The following PLA2G6 variants were observed in gnomAD, a reference collection of about 807,000 sequenced individuals.
PLA2G6 encodes the protein 85/88 kDa calcium-independent phospholipase A2.
In PLA2G6, 62 loss-of-function variants were observed where a neutral mutation model predicts 83.8. That is an observed-to-expected ratio of 0.74 (90% CI 0.60 to 0.91). The LOEUF is 0.91. Among genes scored for constraint, PLA2G6 ranks in the 40% least tolerant of loss-of-function variants. The probability of loss-of-function intolerance (pLI) is 0.00; values close to 1 mark genes in which losing one functional copy is unlikely to be tolerated. For synonymous variants in PLA2G6, 417 were observed against 449.8 expected (o/e 0.93, Z 0.92); for missense variants, 944 against 1,102.0 (o/e 0.86, Z 2.03).
intron 6 of PLA2G6, chr22:38,133,428 G>T (rs1243392314): frequency 1.4e-5 from 3 of 220,508 alleles, no homozygotes; most frequent in Non-Finnish European, 2.8e-5. Context: ...AGGGAGGGGA[G>T]CCTGGCTTTG....
intron 5 of PLA2G6, chr22:38,135,969 A>G (rs920562084): frequency 5.9e-5 from 9 of 152,260 alleles, no homozygotes; most frequent in Admixed American, 5.9e-4. Flanking sequence ...CTGAATGGAT[A>G]AACAAAATAG....
intron 2 of PLA2G6, chr22:38,146,095 T>C: frequency 1.3e-5 from 3 of 238,580 alleles, no homozygotes; most frequent in Non-Finnish European, 2.5e-5. Flanking sequence ...GAGTGCAGTG[T>C]TGTAATCTCA....
At position 38,140,013 on chromosome 22, in the gene PLA2G6, T is replaced by C. The variant is rs777270576; in HGVS notation, c.766A>G (p.Ile256Val). The C allele has an allele frequency of 4.4e-6, 7 of 1,609,022 alleles. No homozygotes were observed. In the South Asian group the frequency reaches 7.8e-5, roughly 18 times the overall value. The change falls in exon 5 of 17, where the codon ATC becomes GTC. Residue 256 changes from isoleucine to valine, a missense_variant. By Grantham distance (29) the Ile-to-Val change is conservative. Transcript: ENST00000332509. ...TGAGAGAACTTCATGGCCGAGTGGATGGGGTAGCCGTTGGGGCCCATGATG... is the reference window on the plus strand; with the variant it reads ...TGAGAGAACTTCATGGCCGAGTGGACGGGGTAGCCGTTGGGGCCCATGATG... ...CNIMGPNGYPIHSAMKFSQKG... is the reference protein window; with the variant it reads ...CNIMGPNGYPVHSAMKFSQKG...
At chr22:38,119,294 A>G (rs1470026502) in intron 12 of PLA2G6, among the ~76,000 whole-genome samples, 1 of 152,206 alleles carries the variant, frequency 6.6e-6, no homozygotes, top group Non-Finnish European at 1.5e-5. Context: ...ATCCAAGAGC[A>G]GAGGGATGCT....
At position 38,135,056 on chromosome 22, in the gene PLA2G6, T is replaced by G. The variant is rs2088466825; in HGVS notation, c.826A>C (p.Ser276Arg). 6.2e-7 allele frequency: 1 copy of G among 1,605,960 alleles called. No individual in the cohort carries two copies. Among genetic ancestry groups the G allele is most frequent in the East Asian group, 2.3e-5 (1 of 44,206 alleles). The change falls in exon 6 of 17, where the codon AGC becomes CGC. Residue 276 changes from serine (S) to arginine (R), a missense_variant. Transcript: ENST00000332509. ...GCAEMIISMD[S>R]SQIHSKDPRY... ...GGGTCTTTGCTGTGGATCTGGCTGC[T>G]GTCCATGCTGATGATCATCTCCGCA...
chr22:38,147,622 C>G (rs372755389), intron 2 of PLA2G6: 2 of 154,314 alleles, frequency 1.3e-5, no homozygotes, highest in East Asian at 3.9e-4. Flanking sequence ...CTCACTGCAA[C>G]CTCTGCCCCC....
At chr22:38,120,016 A>G (rs2087433040) in intron 12 of PLA2G6, among the ~76,000 whole-genome samples, 2 of 152,198 alleles carry the variant, frequency 1.3e-5, no homozygotes, top group South Asian at 4.1e-4. Context: ...CTTGGACCCT[A>G]GGGAAGACCG....
intron 7 of PLA2G6, chr22:38,131,869 A>G (rs1457652503): frequency 3.3e-6 from 1 of 307,472 alleles, no homozygotes; most frequent in African/African-American, 2.3e-5. Context: ...CGGGTGGATC[A>G]TGAGGTCAGG....
At chr22:38,116,864 A>AAAC in intron 12 of PLA2G6, among the ~76,000 whole-genome samples, 1 of 151,026 alleles carries the variant, frequency 6.6e-6, no homozygotes, top group South Asian at 2.1e-4. Flanking sequence ...AAAAAAAAAA[A>AAAC]AAAAAAAAAA....
intron 1 of PLA2G6, among the ~76,000 whole-genome samples, chr22:38,176,906 C>T (rs1225293396): frequency 6.6e-6 from 1 of 151,916 alleles, no homozygotes; most frequent in Non-Finnish European, 1.5e-5. Context: ...ATTAGCCTGG[C>T]GTGATGGTGG....
In PLA2G6 at chr22:38,135,089, TGA is replaced by T; in HGVS notation, c.798-7_798-6del. On this transcript the variant is annotated splice_polypyrimidine_tract_variant and splice_region_variant and intron_variant, in intron 5 of 16. Coordinates refer to ENST00000332509, the MANE Select transcript of PLA2G6 (RefSeq NM_003560.4). ...CTGATGATCATCTCCGCACACCTGGTGAGAGAGGGGCCCCGGTTGGTGAGCAG... is the reference window on the plus strand; with the variant it reads ...CTGATGATCATCTCCGCACACCTGGTGAGAGGGGCCCCGGTTGGTGAGCAG... 2 of 1,610,456 alleles carry T rather than the reference TGA, an allele frequency of 1.2e-6. No homozygotes were observed. The highest frequency in any genetic ancestry group is 1.7e-6 in the Non-Finnish European group (2 of 1,177,032).
chr22:38,132,548 C>T lies in PLA2G6; in HGVS notation c.1077+283G>A. On this transcript the variant is annotated intron_variant, in intron 7 of 16. Coordinates refer to ENST00000332509, the MANE Select transcript of PLA2G6 (RefSeq NM_003560.4). This position sits in a 1 kb window ranked among gnomAD's most constrained non-coding sequence, Gnocchi z 5.0. ...GGCTTGCTCAGGGCCAGTCTATGGC[C>T]AGAGCTGTCATTTTTCCCTCTCGTG... 3.7e-6 allele frequency: 2 copies of T among 545,002 alleles called. No individual in the cohort carries two copies. The highest frequency in any genetic ancestry group is 3.1e-5 in the East Asian group (1 of 32,164). The allele number at this position is 545,002 out of a possible 1,614,324, so 33.8% of individuals were successfully genotyped here.
chr22:38,112,488 G>A lies in PLA2G6; in HGVS notation c.2276+16C>T. Reference sequence around the variant, plus strand: ...CCAGGGCACGGGGCCAAGGGCTGGGGCGGCTGAGCCCTCACCTGAAGTACT... The same window carrying A: ...CCAGGGCACGGGGCCAAGGGCTGGGACGGCTGAGCCCTCACCTGAAGTACT... On this transcript the variant is annotated intron_variant, in intron 16 of 16. Transcript: ENST00000332509. 2 of 1,549,426 alleles carry A rather than the reference G, an allele frequency of 1.3e-6. No individual in the cohort carries two copies. Among genetic ancestry groups the A allele is most frequent in the Non-Finnish European group, 1.7e-6 (2 of 1,146,678 alleles).
chr22:38,133,253 C>T (rs1222775627), intron 6 of PLA2G6: 2 of 583,138 alleles, frequency 3.4e-6, no homozygotes, highest in East Asian at 5.7e-5. Flanking sequence ...TTTTAAGAGG[C>T]TTCTGGTCCT....
intron 5 of PLA2G6, chr22:38,135,874 T>C (rs767885140): frequency 6.6e-6 from 1 of 152,044 alleles, no homozygotes; most frequent in Non-Finnish European, 1.5e-5. Context: ...GGGACTTGAA[T>C]GGACATTTGC....
chr22:38,166,048 A>G (rs986937970), intron 2 of PLA2G6, among the ~76,000 whole-genome samples: 8 of 151,848 alleles, frequency 5.3e-5, no homozygotes, highest in Non-Finnish European at 1.5e-5. Flanking sequence ...CACGTGCACA[A>G]TGACTGTGGT....
Position 38,139,991 on chromosome 22 carries a change from G to A in PLA2G6, c.788C>T (p.Ser263Phe). 6.3e-7 allele frequency: 1 copy of A among 1,595,854 alleles called. No homozygotes were observed. The highest frequency in any genetic ancestry group is 8.5e-7 in the Non-Finnish European group (1 of 1,169,992). ...GGGGAGGAGGTCTTACCCCTTCTGAGAGAACTTCATGGCCGAGTGGATGGG... is the reference window on the plus strand; with the variant it reads ...GGGGAGGAGGTCTTACCCCTTCTGAAAGAACTTCATGGCCGAGTGGATGGG... The part of the protein sequence containing the change: ...GYPIHSAMKF[S>F]QKGCAEMIIS... Residue 263 changes from serine to phenylalanine, a missense_variant, in exon 5 of 17, where the codon TCT (serine) becomes TTT (phenylalanine). Transcript: ENST00000332509.
chr22:38,143,031 G>C, intron 4 of PLA2G6, 74 bp downstream of exon 4: 1 of 1,399,900 alleles, frequency 7.1e-7, no homozygotes, highest in Admixed American at 1.7e-5. Flanking sequence ...TGACACCTGA[G>C]CCTAGGGGCC....
At chr22:38,171,839 A>T (rs2090450559) in intron 1 of PLA2G6, among the ~76,000 whole-genome samples, 2 of 149,160 alleles carry the variant, frequency 1.3e-5, no homozygotes, top group South Asian at 4.3e-4. Context: ...AAAAAAAAAA[A>T]ATTATAAAGA....
Sources: allele counts gnomAD v4.1 joint callset (sites outside exome capture counted in the v4.1 genomes callset), GRCh38; gene constraint gnomAD v4.1.1; non-coding constraint Gnocchi (gnomAD v3.1); transcripts MANE v1.5; gene names NCBI Gene and HGNC (gene_info 2026-07-23, HGNC 2026-07-21).